Variants in CASK observed in about 807,000 individuals in gnomAD.
CASK encodes calcium/calmodulin dependent serine protein kinase.
A neutral mutation model predicts 82.9 loss-of-function variants in CASK; 4 were observed. The ratio of observed to expected loss-of-function variants is 0.05; its 90% CI spans 0.02 to 0.11. CASK has a LOEUF of 0.11. Among genes scored for constraint, CASK ranks in the 10% least tolerant of loss-of-function variants. CASK has a pLI of 1.00. For missense variants in CASK, 358 were observed against 720.9 expected, an observed-to-expected ratio of 0.50 and a Z score of 5.76; for synonymous variants, 259 against 253.5, an observed-to-expected ratio of 1.02 and a Z score of -0.20.
At chrX:41,800,467 TTTTATTTTTA>T (rs912673743) in intron 2 of CASK, among the ~76,000 whole-genome samples, 9 of 111,161 alleles carry the variant, frequency 8.1e-5, no homozygotes, top group African/African-American at 2.0e-4. Context: ...CTCAATGTTA[TTTTATTTTTA>T]TTTATTTTTA....
intron 11 of CASK, among the ~76,000 whole-genome samples, chrX:41,615,425 CCT>C (rs1243279749): frequency 4.5e-5 from 5 of 111,441 alleles, no homozygotes; most frequent in African/African-American, 1.6e-4. Context: ...CCACTGAACC[CCT>C]GACCCCAGCA....
chrX:41,659,527 A>G (rs1219457279), intron 8 of CASK, among the ~76,000 whole-genome samples: 1 of 110,575 alleles, frequency 9.0e-6, no homozygotes, highest in Non-Finnish European at 1.9e-5. Flanking sequence ...CACCCGGCCA[A>G]CTTGGCGCAA....
At chrX:41,696,600 G>T in intron 5 of CASK, 1 of 1,210,227 alleles carries the variant, frequency 8.3e-7, no homozygotes, top group Non-Finnish European at 1.1e-6. Flanking sequence ...TAGTTGCTTA[G>T]ATCCAGTCAT....
At chrX:41,809,260 G>A (rs1341688796) in intron 2 of CASK, among the ~76,000 whole-genome samples, 2 of 112,183 alleles carry the variant, frequency 1.8e-5, no homozygotes, top group South Asian at 3.7e-4. Flanking sequence ...CCAGCATGGA[G>A]TTTTAGATCT....
At chrX:41,737,716 C>T (rs956706291) in intron 5 of CASK, among the ~76,000 whole-genome samples, 49 of 112,100 alleles carry the variant, frequency 4.4e-4, no homozygotes, top group African/African-American at 1.4e-3. Context: ...AATTATCTTT[C>T]GAGAATAATT....
In CASK at chrX:41,534,727, G is replaced by A. The variant is rs373953251; in HGVS notation, c.2296C>T (p.Arg766Trp). The change falls in exon 24 of 27, where the codon CGG becomes TGG. Residue 766 changes from arginine to tryptophan, a missense_variant. By Grantham distance (101) the Arg-to-Trp change is moderately radical. Around this residue, in one of 5 missense-constraint regions of CASK, gnomAD observed 118 missense variants for 169.4 expected, o/e 0.70. Transcript: ENST00000378163. ...KNTLITKHPD[R>W]FAYPIPHTTR... Reference sequence around the variant, plus strand: ...TTACGTGGAATAGGGTACGCAAACCGGTCTGGGTGCTTTGTGATGAGAGTG... The same window carrying A: ...TTACGTGGAATAGGGTACGCAAACCAGTCTGGGTGCTTTGTGATGAGAGTG... 5 of 1,205,410 alleles carry A rather than the reference G, an allele frequency of 4.1e-6. No individual in the cohort carries two copies. The highest frequency in any genetic ancestry group is 1.8e-5 in the South Asian group (1 of 56,753).
chrX:41,751,951 T>A (rs1218533977), intron 3 of CASK, among the ~76,000 whole-genome samples: 3 of 106,919 alleles, frequency 2.8e-5, no homozygotes, highest in African/African-American at 1.0e-4. Context: ...GAGGCTGAGG[T>A]GGGAGGATCG....
At chrX:41,577,324 C>A (rs1424319753) in intron 15 of CASK, among the ~76,000 whole-genome samples, 2 of 111,890 alleles carry the variant, frequency 1.8e-5, no homozygotes, top group African/African-American at 3.2e-5. Context: ...TCTTGACATC[C>A]ATCCCTCAAG....
chrX:41,713,802 C>T (rs2068020440), intron 5 of CASK, among the ~76,000 whole-genome samples: 1 of 111,314 alleles, frequency 9.0e-6, no homozygotes, highest in African/African-American at 3.3e-5. Flanking sequence ...CTTTAGAGGG[C>T]TATTAAAAAA....
At chrX:41,562,515 G>A (rs2065243128) in intron 16 of CASK, 1 of 111,644 alleles carries the variant, frequency 9.0e-6, no homozygotes, top group African/African-American at 3.3e-5. Context: ...TCAAAGAAAT[G>A]GTGTCATACA....
intron 1 of CASK, among the ~76,000 whole-genome samples, chrX:41,917,866 T>C (rs1452792418): frequency 9.0e-6 from 1 of 111,729 alleles, no homozygotes; most frequent in African/African-American, 3.3e-5. Flanking sequence ...CCCACTCCCA[T>C]TGAGGCCTGC....
intron 20 of CASK, among the ~76,000 whole-genome samples, chrX:41,554,528 T>C (rs6651763): frequency 0.02 from 2,272 of 111,964 alleles, 53 homozygotes; most frequent in African/African-American, 0.069. Flanking sequence ...TATTTTACTC[T>C]TCTGAGAGAA....
chrX:41,920,499 A>G (rs969098688), intron 1 of CASK, among the ~76,000 whole-genome samples: 17 of 112,069 alleles, frequency 1.5e-4, no homozygotes, highest in African/African-American at 5.5e-4. Flanking sequence ...GGCATTTTAT[A>G]ATTGGCACTG....
intron 3 of CASK, among the ~76,000 whole-genome samples, chrX:41,774,623 A>T (rs1449046091): frequency 3.6e-5 from 4 of 111,516 alleles, no homozygotes; most frequent in African/African-American, 6.5e-5. Flanking sequence ...CACGCTACCC[A>T]ACTTCAAACT....
At chrX:41,779,880 T>C (rs181732290) in intron 3 of CASK, among the ~76,000 whole-genome samples, 4 of 110,959 alleles carry the variant, frequency 3.6e-5, no homozygotes, top group African/African-American at 1.3e-4. Flanking sequence ...AGCTTTCAGT[T>C]TATCGCCTTT....
chrX:41,670,255 C>G (rs1238951317), intron 6 of CASK, among the ~76,000 whole-genome samples: 2 of 112,123 alleles, frequency 1.8e-5, no homozygotes, highest in Non-Finnish European at 3.8e-5. Flanking sequence ...GCTTTACTAC[C>G]TGACCCTTTG....
At chrX:41,922,867 G>C in intron 1 of CASK, 63 bp downstream of exon 1, 1 of 1,067,319 alleles carries the variant, frequency 9.4e-7, no homozygotes, top group Non-Finnish European at 1.3e-6. Flanking sequence ...GCGGGTGCGG[G>C]AAGACCGGGG....
At chrX:41,573,213 T>C (rs1446900361) in intron 15 of CASK, among the ~76,000 whole-genome samples, 1 of 94,167 alleles carries the variant, frequency 1.1e-5, no homozygotes, top group Non-Finnish European at 2.3e-5. Context: ...ATTTCTTTCT[T>C]TTTTTTTTTG....
chrX:41,847,128 G>A (rs1453594708), intron 2 of CASK, among the ~76,000 whole-genome samples: 1 of 111,579 alleles, frequency 9.0e-6, no homozygotes, highest in East Asian at 2.8e-4. Flanking sequence ...TGAACTTATT[G>A]GTTGTGTAGA....
Sources: gnomAD v4.1 joint callset for allele counts (sites outside exome capture counted in the v4.1 genomes callset) on GRCh38, gnomAD v4.1.1 for gene constraint, gnomAD v4.1.1 regional missense constraint, MANE v1.5 for transcripts, NCBI Gene and HGNC (gene_info 2026-07-23, HGNC 2026-07-21) for gene names.